RALYL: variants seen among roughly 807,000 people sequenced by gnomAD.
The protein encoded by RALYL is RALY RNA binding protein like, also known as RNA-binding Raly-like protein.
Under a neutral mutation model 35.1 loss-of-function variants are expected in RALYL, and 29 were observed. That is an observed-to-expected ratio of 0.83 (90% CI 0.61 to 1.13). The LOEUF (loss-of-function observed/expected upper bound fraction) is 1.13, where lower values mean the gene tolerates loss of function less well. Among genes scored for constraint, RALYL ranks in the 50% most tolerant of loss-of-function variants. RALYL has a pLI of 0.00. For missense variants in RALYL, 359 were observed against 360.4 expected, an observed-to-expected ratio of 1.00 and a Z score of 0.03; for synonymous variants, 120 against 127.6, an observed-to-expected ratio of 0.94 and a Z score of 0.40.
At position 84,753,444 on chromosome 8, in the gene RALYL, A is replaced by G. The variant is rs569663591; in HGVS notation, c.257-21135A>G. ...TGGGAAGGTATGATTATATTTTGCA[A>G]TGTGAGGTTGTGAGATTTGGGAGGG... On this transcript the variant is annotated intron_variant, in intron 2 of 8. Coordinates refer to ENST00000521268, the MANE Select transcript of RALYL (RefSeq NM_173848.7). Among the ~76,000 whole-genome samples, 82 of 152,200 alleles carry G rather than the reference A, an allele frequency of 5.4e-4. 1 individual carries two copies. Among genetic ancestry groups the G allele is most frequent in the Admixed American group, 3.9e-3 (59 of 15,280 alleles).
At chr8:84,532,948 T>A (rs920273232) in intron 2 of RALYL, among the ~76,000 whole-genome samples, 2 of 152,068 alleles carry the variant, frequency 1.3e-5, no homozygotes, top group African/African-American at 4.8e-5. Context: ...TTAGCTTCTG[T>A]CTTTGATATA....
chr8:84,394,356 T>G (rs1475424737), intron 1 of RALYL, among the ~76,000 whole-genome samples: 2 of 152,076 alleles, frequency 1.3e-5, no homozygotes, highest in African/African-American at 2.4e-5. Flanking sequence ...ATCTTTTTCT[T>G]GAAAATGATA....
intron 1 of RALYL, among the ~76,000 whole-genome samples, chr8:84,212,822 C>G (rs779240080): frequency 3.9e-4 from 59 of 152,032 alleles, no homozygotes; most frequent in African/African-American, 1.3e-3. Flanking sequence ...CTTTGCATGT[C>G]TGAAACAAGC....
At chr8:84,415,278 A>T (rs1178201015) in intron 1 of RALYL, among the ~76,000 whole-genome samples, 1 of 146,072 alleles carries the variant, frequency 6.8e-6, no homozygotes, top group Non-Finnish European at 1.5e-5. Flanking sequence ...TCTGTCACCC[A>T]GGTTGGAGTG....
At chr8:84,489,969 T>C (rs1177109069) in intron 1 of RALYL, among the ~76,000 whole-genome samples, 1 of 151,938 alleles carries the variant, frequency 6.6e-6, no homozygotes, top group Non-Finnish European at 1.5e-5. Flanking sequence ...GAAATAAAAG[T>C]TTTTCTAAAG....
At chr8:84,565,080 G>A (rs2061691365) in intron 2 of RALYL, among the ~76,000 whole-genome samples, 1 of 151,430 alleles carries the variant, frequency 6.6e-6, no homozygotes, top group African/African-American at 2.4e-5. Flanking sequence ...TATATTAGCA[G>A]CTTCCCTGAG....
chr8:84,259,307 T>C (rs1160730863), intron 1 of RALYL, among the ~76,000 whole-genome samples: 1 of 152,186 alleles, frequency 6.6e-6, no homozygotes, highest in Admixed American at 6.5e-5. Context: ...GACCTCTAAA[T>C]TCCCCTCCAA....
intron 2 of RALYL, among the ~76,000 whole-genome samples, chr8:84,632,905 T>C (rs1824231543): frequency 6.6e-6 from 1 of 151,936 alleles, no homozygotes; most frequent in Admixed American, 6.6e-5. Context: ...GATGCTATTT[T>C]GAGAACATGA....
At chr8:84,854,586 T>C (rs967383922) in intron 5 of RALYL, among the ~76,000 whole-genome samples, 1 of 152,198 alleles carries the variant, frequency 6.6e-6, no homozygotes, top group Non-Finnish European at 1.5e-5. Context: ...AGCGCTCAGC[T>C]GTTTCTGTTA....
intron 1 of RALYL, among the ~76,000 whole-genome samples, chr8:84,202,600 C>T (rs925780243): frequency 6.6e-6 from 1 of 151,938 alleles, no homozygotes; most frequent in African/African-American, 2.4e-5. Flanking sequence ...TCTTGAATTC[C>T]TGACTTTGTG....
chr8:84,811,121 T>C (rs1468576738), intron 4 of RALYL, among the ~76,000 whole-genome samples: 2 of 152,160 alleles, frequency 1.3e-5, no homozygotes, highest in Non-Finnish European at 2.9e-5. Flanking sequence ...GTGTGATTTA[T>C]GCTTTAAAGA....
intron 1 of RALYL, among the ~76,000 whole-genome samples, chr8:84,418,188 G>A (rs2044960280): frequency 6.6e-6 from 1 of 152,064 alleles, no homozygotes; most frequent in Admixed American, 6.6e-5. Flanking sequence ...AAAAATATGG[G>A]GTCAGAATGG....
chr8:84,454,996 G>A (rs1247329736), intron 1 of RALYL, among the ~76,000 whole-genome samples: 1 of 152,072 alleles, frequency 6.6e-6, no homozygotes, highest in East Asian at 1.9e-4. Context: ...TCTGAAGCAA[G>A]TTATTTTATA....
intron 1 of RALYL, among the ~76,000 whole-genome samples, chr8:84,357,457 A>G (rs1347039477): frequency 6.6e-6 from 1 of 151,944 alleles, no homozygotes; most frequent in Non-Finnish European, 1.5e-5. Flanking sequence ...AAAGAATCTA[A>G]TGAATTCTGT....
At chr8:84,410,378 A>G (rs985605541) in intron 1 of RALYL, among the ~76,000 whole-genome samples, 3 of 151,950 alleles carry the variant, frequency 2.0e-5, no homozygotes, top group Non-Finnish European at 2.9e-5. Context: ...CATTATGGTA[A>G]TAACTACATA....
At chr8:84,631,541 T>A (rs1823907437) in intron 2 of RALYL, among the ~76,000 whole-genome samples, 1 of 151,972 alleles carries the variant, frequency 6.6e-6, no homozygotes, top group Admixed American at 6.6e-5. Flanking sequence ...ATTATCATAA[T>A]TTTCAAGATA....
At chr8:84,594,931 A>AAGGC (rs200069815) in intron 2 of RALYL, among the ~76,000 whole-genome samples, 8 of 133,862 alleles carry the variant, frequency 6.0e-5, no homozygotes, top group African/African-American at 2.5e-4. Context: ...GTTGCTTTTA[A>AAGGC]AGACAGATCA....
intron 2 of RALYL, among the ~76,000 whole-genome samples, chr8:84,561,553 G>A (rs940132568): frequency 6.6e-6 from 1 of 151,846 alleles, no homozygotes. Flanking sequence ...TTATAAATTA[G>A]GCACAGTAAG....
At chr8:84,785,064 G>A (rs1044208983) in intron 3 of RALYL, among the ~76,000 whole-genome samples, 18 of 152,240 alleles carry the variant, frequency 1.2e-4, no homozygotes, top group Admixed American at 3.9e-4. Context: ...TGAAATAAGC[G>A]TATTACATTG....
Sources: gnomAD v4.1 joint callset for allele counts (sites outside exome capture counted in the v4.1 genomes callset) on GRCh38, gnomAD v4.1.1 for gene constraint, MANE v1.5 for transcripts, NCBI Gene and HGNC (gene_info 2026-07-23, HGNC 2026-07-21) for gene names.